CTNNA2: variants seen among roughly 807,000 people sequenced by gnomAD.
The protein encoded by CTNNA2 is catenin alpha-2.
Under a neutral mutation model 101.0 loss-of-function variants are expected in CTNNA2, and 42 were observed. The observed-to-expected ratio is 0.42, with a 90% CI of 0.32 to 0.54. CTNNA2 has a LOEUF of 0.54. Among genes scored for constraint, CTNNA2 ranks in the 20% least tolerant of loss-of-function variants. The pLI, the probability that CTNNA2 is intolerant of heterozygous loss-of-function variation, is 0.14. For missense variants in CTNNA2, 871 were observed against 1,223.1 expected, an observed-to-expected ratio of 0.71 and a Z score of 4.29; for synonymous variants, 450 against 456.4, an observed-to-expected ratio of 0.99 and a Z score of 0.18.
At chr2:79,828,932 C>G (rs569610334) in intron 3 of CTNNA2, among the ~76,000 whole-genome samples, 2 of 152,284 alleles carry the variant, frequency 1.3e-5, no homozygotes, top group Admixed American at 6.5e-5. Context: ...CCCAGGTAAA[C>G]TGCCCACATT....
intron 3 of CTNNA2, among the ~76,000 whole-genome samples, chr2:79,803,972 G>A (rs1028475273): frequency 6.6e-6 from 1 of 152,208 alleles, no homozygotes; most frequent in Non-Finnish European, 1.5e-5. Context: ...TCTGGATAAA[G>A]GTCACTAGAC....
At chr2:79,234,594 A>G (rs1326528151) in intron 2 of CTNNA2, among the ~76,000 whole-genome samples, 2 of 152,156 alleles carry the variant, frequency 1.3e-5, no homozygotes, top group African/African-American at 2.4e-5. Context: ...TAGCAACTTC[A>G]GGGAAATTTT....
At chr2:80,601,620 G>A (rs1697546790) in intron 15 of CTNNA2, 1 of 150,846 alleles carries the variant, frequency 6.6e-6, no homozygotes, top group East Asian at 2.0e-4. Context: ...GTTTTCTAAG[G>A]TTATTGCTGT....
intron 7 of CTNNA2, among the ~76,000 whole-genome samples, chr2:80,154,787 C>T (rs1703912247): frequency 6.6e-6 from 1 of 152,176 alleles, no homozygotes; most frequent in African/African-American, 2.4e-5. Context: ...GTGGAGCCTC[C>T]ACCTTTAATA....
At chr2:79,640,092 G>T (rs993539948) in intron 1 of CTNNA2, among the ~76,000 whole-genome samples, 1 of 151,450 alleles carries the variant, frequency 6.6e-6, no homozygotes, top group African/African-American at 2.4e-5. Context: ...GCATTAGAAG[G>T]CACAAAACTT....
At chr2:79,776,262 T>C (rs1357294512) in intron 3 of CTNNA2, among the ~76,000 whole-genome samples, 1 of 151,632 alleles carries the variant, frequency 6.6e-6, no homozygotes, top group East Asian at 1.9e-4. Flanking sequence ...CAGTTAACTT[T>C]TGGAATTTTT....
chr2:80,159,856 C>T (rs1276108975), intron 7 of CTNNA2, among the ~76,000 whole-genome samples: 1 of 152,160 alleles, frequency 6.6e-6, no homozygotes, highest in Non-Finnish European at 1.5e-5. Flanking sequence ...ATGTACATTT[C>T]CTCTCATAGA....
At chr2:79,373,596 C>A (rs1677920969) in intron 3 of CTNNA2, among the ~76,000 whole-genome samples, 1 of 152,046 alleles carries the variant, frequency 6.6e-6, no homozygotes, top group African/African-American at 2.4e-5. Flanking sequence ...AGGCTCTGCC[C>A]TAAATGAGCC....
chr2:79,293,007 C>T (rs945439151), intron 2 of CTNNA2: 7 of 152,216 alleles, frequency 4.6e-5, no homozygotes, highest in African/African-American at 1.4e-4. Flanking sequence ...CACCACCTAC[C>T]TGCTTTATCT....
intron 7 of CTNNA2, among the ~76,000 whole-genome samples, chr2:80,165,283 C>T (rs981014009): frequency 2.8e-4 from 43 of 151,026 alleles, no homozygotes; most frequent in Non-Finnish European, 5.0e-4. Flanking sequence ...TGGCTAGTTC[C>T]TGATTTTTTT....
chr2:79,443,536 G>A (rs1389350066), intron 4 of CTNNA2, among the ~76,000 whole-genome samples: 1 of 152,008 alleles, frequency 6.6e-6, no homozygotes, highest in Non-Finnish European at 1.5e-5. Context: ...CAGAAATAAT[G>A]TCTAACTAGT....
chr2:80,141,568 G>A (rs1235957006), intron 7 of CTNNA2, among the ~76,000 whole-genome samples: 1 of 152,132 alleles, frequency 6.6e-6, no homozygotes, highest in African/African-American at 2.4e-5. Context: ...AAGCCCAAGT[G>A]AGGTGACTGT....
At chr2:79,586,536 T>TTTA (rs1676502423) in intron 1 of CTNNA2, among the ~76,000 whole-genome samples, 2 of 151,770 alleles carry the variant, frequency 1.3e-5, no homozygotes, top group South Asian at 4.2e-4. Context: ...TCTTTTTTTT[T>TTTA]AGCACTTTTT....
intron 18 of CTNNA2, among the ~76,000 whole-genome samples, chr2:80,642,597 T>G (rs1416155373): frequency 6.6e-6 from 1 of 152,190 alleles, no homozygotes; most frequent in African/African-American, 2.4e-5. Flanking sequence ...AGTTGCACTT[T>G]CCTTTGAAAG....
chr2:79,974,451 C>T (rs994842799), intron 7 of CTNNA2, among the ~76,000 whole-genome samples: 4 of 152,144 alleles, frequency 2.6e-5, no homozygotes, highest in African/African-American at 7.2e-5. Flanking sequence ...TGGACATTGA[C>T]GTACTTACTT....
chr2:80,049,494 G>A (rs1333676124), intron 7 of CTNNA2, among the ~76,000 whole-genome samples: 1 of 152,162 alleles, frequency 6.6e-6, no homozygotes, highest in African/African-American at 2.4e-5. Flanking sequence ...TTTACCTGGA[G>A]CTCATGCACC....
intron 2 of CTNNA2, among the ~76,000 whole-genome samples, chr2:79,261,439 T>A (rs749249042): frequency 6.6e-6 from 1 of 152,226 alleles, no homozygotes; most frequent in African/African-American, 2.4e-5. Context: ...GCAAAGTTGG[T>A]GTATTCATCT....
intron 2 of CTNNA2, among the ~76,000 whole-genome samples, chr2:79,660,358 A>G (rs577684097): frequency 8.2e-4 from 124 of 151,032 alleles, no homozygotes; most frequent in Admixed American, 1.7e-3. Flanking sequence ...GTGTATGTAT[A>G]CTAAATACAT....
chr2:80,442,611 T>C, intron 9 of CTNNA2, among the ~76,000 whole-genome samples: 1 of 152,298 alleles, frequency 6.6e-6, no homozygotes. Flanking sequence ...CACTGGGTGA[T>C]AGAATTTTAG....
Sources: gnomAD v4.1 joint callset for allele counts (sites outside exome capture counted in the v4.1 genomes callset) on GRCh38, gnomAD v4.1.1 for gene constraint, MANE v1.5 for transcripts, NCBI Gene and HGNC (gene_info 2026-07-23, HGNC 2026-07-21) for gene names.